The following NEURL1 variants were observed in gnomAD, a reference collection of about 807,000 sequenced individuals.
NEURL1 encodes the protein E3 ubiquitin-protein ligase NEURL1.
NEURL1 carries 26 observed loss-of-function variants against 41.2 expected under a neutral mutation model. The observed-to-expected ratio is 0.63, with a 90% CI of 0.46 to 0.87. NEURL1 has a LOEUF of 0.87. Among genes scored for constraint, NEURL1 ranks in the 40% least tolerant of loss-of-function variants. NEURL1 has a pLI of 0.00. For synonymous variants in NEURL1, 400 were observed against 402.3 expected (o/e 0.99, Z 0.07); for missense variants, 761 against 871.1 (o/e 0.87, Z 1.59).
intron 4 of NEURL1, among the ~76,000 whole-genome samples, chr10:103,589,293 G>A (rs1349939327): frequency 6.6e-6 from 1 of 152,216 alleles, no homozygotes; most frequent in Non-Finnish European, 1.5e-5. Context: ...TGAGAACAGA[G>A]GCCAGGCTGG....
rs561849594 is a variant in NEURL1, at chr10:103,495,145, C to T, written c.85+673C>T. Among the ~76,000 whole-genome samples the T allele has an allele frequency of 2.6e-5, 4 of 152,344 alleles. No homozygotes were observed. The South Asian group carries it at 8.3e-4, about 32-fold the overall frequency. On this transcript the variant is annotated intron_variant, in intron 1 of 5. Transcript: ENST00000369780. ...CCTCCCCAGATCCACTCAGCACCCT[C>T]AGGGTGGCCCTAGGCCCAGTCTCCC...
At chr10:103,503,875 C>T (rs1387289209) in intron 1 of NEURL1, among the ~76,000 whole-genome samples, 1 of 149,942 alleles carries the variant, frequency 6.7e-6, no homozygotes, top group Non-Finnish European at 1.5e-5. Flanking sequence ...ACTGCAGCCT[C>T]ACCCCCCGGG....
At chr10:103,512,852 T>C (rs1236162220) in intron 1 of NEURL1, among the ~76,000 whole-genome samples, 1 of 152,134 alleles carries the variant, frequency 6.6e-6, no homozygotes, top group African/African-American at 2.4e-5. Context: ...CAAGGTGCTG[T>C]GTTGTCCAGG....
chr10:103,567,906 A>G (rs1294988341), intron 1 of NEURL1, among the ~76,000 whole-genome samples: 1 of 152,194 alleles, frequency 6.6e-6, no homozygotes, highest in Non-Finnish European at 1.5e-5. Flanking sequence ...GAGCTTGGCA[A>G]ATGACTGCCA....
chr10:103,548,637 A>G (rs891117954), intron 1 of NEURL1, among the ~76,000 whole-genome samples: 1 of 152,184 alleles, frequency 6.6e-6, no homozygotes, highest in Non-Finnish European at 1.5e-5. Flanking sequence ...TCTTAGTGCT[A>G]TATGCATATC....
At chr10:103,543,233 A>G (rs2034857287) in intron 1 of NEURL1, among the ~76,000 whole-genome samples, 1 of 152,170 alleles carries the variant, frequency 6.6e-6, no homozygotes, top group African/African-American at 2.4e-5. Context: ...ATGGTCAGAT[A>G]AGGCTCTGCA....
intron 1 of NEURL1, among the ~76,000 whole-genome samples, chr10:103,568,236 C>T (rs2035465911): frequency 6.6e-6 from 1 of 152,222 alleles, no homozygotes; most frequent in Non-Finnish European, 1.5e-5. Flanking sequence ...CAGCCCCACC[C>T]TCAACCCCCT....
At chr10:103,576,598 C>T (rs908214432) in intron 3 of NEURL1, among the ~76,000 whole-genome samples, 1 of 152,166 alleles carries the variant, frequency 6.6e-6, no homozygotes, top group Admixed American at 6.5e-5. Flanking sequence ...CTCCCAGCTG[C>T]TCATCAGCCA....
intron 3 of NEURL1, among the ~76,000 whole-genome samples, chr10:103,578,400 T>C (rs1305823734): frequency 2.0e-5 from 3 of 152,132 alleles, no homozygotes; most frequent in Non-Finnish European, 4.4e-5. Context: ...GCAATCGAAA[T>C]TGCTCCTTGG....
rs1212544972 is a variant in NEURL1, at chr10:103,584,775, C to T, written c.889C>T (p.His297Tyr). 2.1e-6 allele frequency: 3 copies of T among 1,446,532 alleles called. No homozygotes were observed. The highest frequency in any genetic ancestry group is 2.7e-6 in the Non-Finnish European group (3 of 1,104,596). 89.6% of individuals were successfully genotyped at this position (1,446,532 alleles called of 1,614,324 possible). A position where few individuals can be genotyped will look rare whatever the true frequency, so the allele number is the denominator to read the frequency against. The part of the protein sequence containing the change: ...PAQLDGDLRF[H>Y]ALRAGAHVRI... ...GCAGCTCGACGGCGACCTGCGTTTC[C>T]ACGCCCTGCGCGCCGGCGCGCACGT... Residue 297 changes from histidine to tyrosine, a missense_variant, in exon 4 of 6, where the codon CAC (histidine) becomes TAC (tyrosine). His to Tyr is a moderately conservative substitution (Grantham distance 83). Coordinates refer to ENST00000369780, the MANE Select transcript of NEURL1 (RefSeq NM_004210.5).
chr10:103,498,417 G>A (rs1427230857), intron 1 of NEURL1, among the ~76,000 whole-genome samples: 2 of 151,980 alleles, frequency 1.3e-5, no homozygotes, highest in Non-Finnish European at 2.9e-5. Context: ...TAGTAGAGAT[G>A]GAGTTTCACC....
intron 1 of NEURL1, among the ~76,000 whole-genome samples, chr10:103,559,453 C>G (rs1165243174): frequency 6.6e-6 from 1 of 150,600 alleles, no homozygotes; most frequent in Admixed American, 6.6e-5. Context: ...GACGGCAGGG[C>G]AGTTGGAGCT....
intron 1 of NEURL1, among the ~76,000 whole-genome samples, chr10:103,565,283 A>G (rs1373833010): frequency 6.6e-6 from 1 of 152,164 alleles, no homozygotes; most frequent in African/African-American, 2.4e-5. Context: ...GTCTCCCCAG[A>G]GGTGGCTCAG....
chr10:103,501,410 A>C (rs1186750920), intron 1 of NEURL1, among the ~76,000 whole-genome samples: 2 of 152,072 alleles, frequency 1.3e-5, no homozygotes, highest in African/African-American at 4.8e-5. Flanking sequence ...TGACCTGCTC[A>C]TCTGGAGTTC....
chr10:103,554,775 A>G (rs909646627), intron 1 of NEURL1, among the ~76,000 whole-genome samples: 2 of 152,200 alleles, frequency 1.3e-5, no homozygotes, highest in African/African-American at 4.8e-5. Context: ...CACTTGGTTA[A>G]CAGCTCCATC....
intron 1 of NEURL1, among the ~76,000 whole-genome samples, chr10:103,495,915 C>G (rs1334790018): frequency 6.6e-6 from 1 of 152,170 alleles, no homozygotes; most frequent in Admixed American, 6.5e-5. Context: ...CCAGACCAGC[C>G]TGGCCAACAT....
intron 3 of NEURL1, among the ~76,000 whole-genome samples, chr10:103,574,780 C>G (rs1050124825): frequency 3.1e-4 from 47 of 152,296 alleles, no homozygotes; most frequent in African/African-American, 9.1e-4. Context: ...CCCCATCCCC[C>G]CTGTGACTAT....
intron 1 of NEURL1, among the ~76,000 whole-genome samples, chr10:103,529,542 C>T (rs1477714043): frequency 6.6e-6 from 1 of 152,208 alleles, no homozygotes; most frequent in African/African-American, 2.4e-5. Flanking sequence ...AATGCCATTC[C>T]AGTCAAAGCC....
intron 1 of NEURL1, among the ~76,000 whole-genome samples, chr10:103,498,383 C>A (rs1040395767): frequency 6.6e-6 from 1 of 152,166 alleles, no homozygotes; most frequent in Non-Finnish European, 1.5e-5. Flanking sequence ...CCCGCCACCG[C>A]GCCCGGCTAA....
Sources: gnomAD v4.1 joint callset for allele counts (sites outside exome capture counted in the v4.1 genomes callset) on GRCh38, gnomAD v4.1.1 for gene constraint, MANE v1.5 for transcripts, NCBI Gene and HGNC (gene_info 2026-07-23, HGNC 2026-07-21) for gene names.